Variants in SOBP observed in about 807,000 individuals in gnomAD.
SOBP encodes sine oculis binding protein homolog.
In SOBP, 4 loss-of-function variants were observed where a neutral mutation model predicts 53.6. That is an observed-to-expected ratio of 0.07 (90% confidence interval 0.04 to 0.17). The LOEUF (loss-of-function observed/expected upper bound fraction) is 0.17. Among genes scored for constraint, SOBP ranks in the 10% least tolerant of loss-of-function variants. The pLI is 1.00. For synonymous variants in SOBP, 584 were observed against 522.6 expected (o/e 1.12, Z -1.60); for missense variants, 1,088 against 1,204.7 (o/e 0.90, Z 1.43).
intron 3 of SOBP, among the ~76,000 whole-genome samples, chr6:107,518,857 C>T (rs549073908): frequency 1.9e-4 from 29 of 151,648 alleles, no homozygotes; most frequent in Admixed American, 1.7e-3. Context: ...TTTTAAACTC[C>T]TCCTAATTTA....
chr6:107,637,375 C>T (rs1239686874), intron 6 of SOBP, among the ~76,000 whole-genome samples: 1 of 152,220 alleles, frequency 6.6e-6, no homozygotes, highest in African/African-American at 2.4e-5. Flanking sequence ...CACCATCGTT[C>T]GAGGTTTCCT....
chr6:107,501,442 C>G (rs960436606), intron 1 of SOBP, among the ~76,000 whole-genome samples: 1 of 152,140 alleles, frequency 6.6e-6, no homozygotes, highest in Non-Finnish European at 1.5e-5. Context: ...GAAAGTGGCA[C>G]CCATAGATGA....
chr6:107,565,185 A>G (rs1310304011), intron 4 of SOBP, among the ~76,000 whole-genome samples: 1 of 152,228 alleles, frequency 6.6e-6, no homozygotes, highest in Non-Finnish European at 1.5e-5. Flanking sequence ...TGGCCAAGAA[A>G]TCATCTGCTC....
intron 4 of SOBP, among the ~76,000 whole-genome samples, chr6:107,536,200 C>T (rs1457072003): frequency 6.6e-6 from 1 of 152,158 alleles, no homozygotes; most frequent in Non-Finnish European, 1.5e-5. Context: ...CCGCTTCTTG[C>T]TGGATAGCAT....
chr6:107,492,625 A>G (rs1782608097), intron 1 of SOBP, among the ~76,000 whole-genome samples: 1 of 152,202 alleles, frequency 6.6e-6, no homozygotes, highest in African/African-American at 2.4e-5. Context: ...AGAAACAAAA[A>G]CAACATTGTG....
At chr6:107,559,945 A>G in intron 4 of SOBP, among the ~76,000 whole-genome samples, 1 of 152,142 alleles carries the variant, frequency 6.6e-6, no homozygotes, top group Non-Finnish European at 1.5e-5. Flanking sequence ...AATGCACTGC[A>G]TAGAACTGAG....
Position 107,634,326 on chromosome 6 carries a change from C to T in SOBP, c.1482C>T (p.Ser494=). 1 of 1,584,216 alleles carries T rather than the reference C, an allele frequency of 6.3e-7. No individual in the cohort carries two copies. Among genetic ancestry groups the T allele is most frequent in the Admixed American group, 1.7e-5 (1 of 58,206 alleles). Residue 494 remains serine (S), a synonymous_variant, in exon 6 of 7, where the codon AGC becomes AGT. Transcript: ENST00000317357. The surrounding 1 kb of genome is among the most constrained non-coding windows in gnomAD (Gnocchi z 4.5). ...PLPSLPFPPV[S]MMPNGPMPVP... is the part of the protein sequence containing the mutation. ...CGAGTCTTCCCTTCCCGCCAGTGAG[C>T]ATGATGCCAAATGGCCCGATGCCGG...
At chr6:107,516,832 A>T (rs541299410) in intron 3 of SOBP, among the ~76,000 whole-genome samples, 4 of 152,198 alleles carry the variant, frequency 2.6e-5, no homozygotes, top group African/African-American at 9.6e-5. Context: ...ATGGTTACAC[A>T]GAGAATCATA....
chr6:107,600,069 C>T (rs1786121157), intron 5 of SOBP, among the ~76,000 whole-genome samples: 1 of 152,206 alleles, frequency 6.6e-6, no homozygotes, highest in South Asian at 2.1e-4. Flanking sequence ...GGTAAGAAAA[C>T]ATGCAAACAG....
chr6:107,529,990 A>G (rs761382671), intron 3 of SOBP, among the ~76,000 whole-genome samples: 1 of 152,130 alleles, frequency 6.6e-6, no homozygotes, highest in Admixed American at 6.6e-5. Context: ...TGTTATACAA[A>G]CCGTTCTCTT....
At chr6:107,630,751 TC>T in intron 5 of SOBP, among the ~76,000 whole-genome samples, 1 of 2,278 alleles carries the variant, frequency 4.4e-4, no homozygotes, top group East Asian at 5.4e-3. Flanking sequence ...ACACACTCTG[TC>T]TCTCTCTCTC....
chr6:107,581,150 C>T (rs1209802024), intron 4 of SOBP, among the ~76,000 whole-genome samples: 1 of 152,158 alleles, frequency 6.6e-6, no homozygotes, highest in Non-Finnish European at 1.5e-5. Flanking sequence ...GGCAGACACA[C>T]ACATGGTCAT....
chr6:107,558,001 A>G (rs1222236684), intron 4 of SOBP: 1 of 152,136 alleles, frequency 6.6e-6, no homozygotes, highest in African/African-American at 2.4e-5. Flanking sequence ...TAAACATTTT[A>G]GACTTAGAAT....
chr6:107,584,663 C>T (rs1192664372), intron 4 of SOBP, among the ~76,000 whole-genome samples: 1 of 152,146 alleles, frequency 6.6e-6, no homozygotes. Flanking sequence ...TTTCTGTCTC[C>T]ACTTCCGAAT....
At position 107,634,434 on chromosome 6, in the gene SOBP, C is replaced by G; in HGVS notation, c.1590C>G (p.Ile530Met). The G allele has an allele frequency of 6.2e-7, 1 of 1,607,958 alleles. No individual in the cohort carries two copies. Among genetic ancestry groups the G allele is most frequent in the Non-Finnish European group, 8.5e-7 (1 of 1,179,818 alleles). Residue 530 changes from isoleucine (I) to methionine (M), a missense_variant, in exon 6 of 7, where the codon ATC becomes ATG. By Grantham distance (10) the Ile-to-Met change is conservative (BLOSUM62 1). This residue lies in a region of SOBP where 665 missense variants were observed against 629.7 expected (regional missense o/e 1.06). Coordinates refer to ENST00000317357, the MANE Select transcript of SOBP (RefSeq NM_018013.4). This position sits in a 1 kb window ranked among gnomAD's most constrained non-coding sequence, Gnocchi z 4.5. Reference sequence around the variant, plus strand: ...CCCTGCTCGTGCCGTACCCCGTGATCGTGCCCCTACCGGTGCCCATCCCCA... The same window carrying G: ...CCCTGCTCGTGCCGTACCCCGTGATGGTGCCCCTACCGGTGCCCATCCCCA... ...PPTLLVPYPV[I>M]VPLPVPIPIP...
rs945476606 is a variant in SOBP at position 107,660,387 on chromosome 6, C to G, written c.*2184C>G. On this transcript the variant is annotated 3_prime_UTR_variant, in exon 7 of 7. Transcript: ENST00000317357. ...TTCCAGGGCCTGCTTCCTAACCATG[C>G]CCATCACTGACAGCACACAGTGCAT... Among the ~76,000 whole-genome samples, 1 of 152,170 alleles carries G rather than the reference C, an allele frequency of 6.6e-6. No individual in the cohort carries two copies. Among genetic ancestry groups the G allele is most frequent in the Non-Finnish European group, 1.5e-5 (1 of 68,030 alleles).
chr6:107,582,800 C>T (rs143548588), intron 4 of SOBP, among the ~76,000 whole-genome samples: 12 of 152,274 alleles, frequency 7.9e-5, no homozygotes, highest in Non-Finnish European at 1.5e-4. Flanking sequence ...AAAAGTCAGA[C>T]GTGAACACAA....
Position 107,634,626 on chromosome 6 carries a change from C to G in SOBP, c.1782C>G (p.Ser594=), listed in dbSNP as rs375402260. 6.3e-7 allele frequency: 1 copy of G among 1,587,684 alleles called. No individual in the cohort carries two copies. The highest frequency in any genetic ancestry group is 1.1e-5 in the South Asian group (1 of 89,454). Residue 594 remains serine (S), a synonymous_variant, in exon 6 of 7, where the codon TCC becomes TCG. Transcript: ENST00000317357. This position sits in a 1 kb window ranked among gnomAD's most constrained non-coding sequence, Gnocchi z 4.5. The part of the protein sequence containing the change: ...PRDSKQGSSK[S]ADSPPGCSGQ... Reference sequence around the variant, plus strand: ...ACTCCAAGCAGGGCTCGTCCAAGTCCGCGGACTCGCCCCCCGGCTGCTCGG... The same window carrying G: ...ACTCCAAGCAGGGCTCGTCCAAGTCGGCGGACTCGCCCCCCGGCTGCTCGG...
At chr6:107,530,625 G>C (rs1477720881) in intron 3 of SOBP, among the ~76,000 whole-genome samples, 1 of 152,032 alleles carries the variant, frequency 6.6e-6, no homozygotes, top group Non-Finnish European at 1.5e-5. Flanking sequence ...TTATCAGACT[G>C]TTCTTTGGAT....
Sources: allele counts gnomAD v4.1 joint callset (sites outside exome capture counted in the v4.1 genomes callset), GRCh38; gene constraint gnomAD v4.1.1; regional missense constraint gnomAD v4.1.1; non-coding constraint Gnocchi (gnomAD v3.1); transcripts MANE v1.5; gene names NCBI Gene and HGNC (gene_info 2026-07-23, HGNC 2026-07-21).